NFAT5: variants seen among roughly 807,000 people sequenced by gnomAD.
NFAT5 encodes nuclear factor of activated T-cells 5.
In NFAT5, 31 loss-of-function variants were observed where a neutral mutation model predicts 166.5. That is an observed-to-expected ratio of 0.19 (90% CI 0.14 to 0.25). NFAT5 has a LOEUF of 0.25. Among genes scored for constraint, NFAT5 ranks in the 10% least tolerant of loss-of-function variants. The pLI is 1.00. For missense variants in NFAT5, 1,449 were observed against 1,821.8 expected, an observed-to-expected ratio of 0.80 and a Z score of 3.72; for synonymous variants, 612 against 639.7, an observed-to-expected ratio of 0.96 and a Z score of 0.65.
chr16:69,607,772 C>G (rs545889576), intron 2 of NFAT5, among the ~76,000 whole-genome samples: 4 of 152,176 alleles, frequency 2.6e-5, no homozygotes, highest in African/African-American at 4.8e-5. Flanking sequence ...TTTCTATTTT[C>G]TTTTTCTCTC....
chr16:69,631,567 A>T (rs1207488202), intron 3 of NFAT5, among the ~76,000 whole-genome samples: 1 of 152,136 alleles, frequency 6.6e-6, no homozygotes, highest in Non-Finnish European at 1.5e-5. Flanking sequence ...CAGTAATTAT[A>T]TATTAATACT....
chr16:69,585,185 A>G (rs1193008678), intron 2 of NFAT5, among the ~76,000 whole-genome samples: 1 of 151,024 alleles, frequency 6.6e-6, no homozygotes, highest in Non-Finnish European at 1.5e-5. Context: ...TTTTTTTTGT[A>G]TTTTTAGTAG....
chr16:69,595,204 A>G (rs1260218395), intron 2 of NFAT5, among the ~76,000 whole-genome samples: 2 of 152,212 alleles, frequency 1.3e-5, no homozygotes, highest in Non-Finnish European at 2.9e-5. Flanking sequence ...ATACAGCAAC[A>G]TACTATAATA....
chr16:69,599,020 C>CAAAA (rs1216510761), intron 2 of NFAT5, among the ~76,000 whole-genome samples: 1 of 52,626 alleles, frequency 1.9e-5, no homozygotes. Context: ...GACTCTGTCT[C>CAAAA]AAAAAAAAAA....
At chr16:69,583,221 G>T (rs145545981) in intron 2 of NFAT5, among the ~76,000 whole-genome samples, 106 of 151,472 alleles carry the variant, frequency 7.0e-4, no homozygotes, top group African/African-American at 2.3e-3. Flanking sequence ...TTAAGGGATG[G>T]GGTCTCATTC....
chr16:69,624,274 C>A (rs1010120187), intron 2 of NFAT5, among the ~76,000 whole-genome samples: 1 of 151,678 alleles, frequency 6.6e-6, no homozygotes, highest in African/African-American at 2.4e-5. Flanking sequence ...GGCGTGATCT[C>A]GGCTCACTGC....
At chr16:69,619,668 A>G (rs918094105) in intron 2 of NFAT5, among the ~76,000 whole-genome samples, 1 of 152,144 alleles carries the variant, frequency 6.6e-6, no homozygotes, top group Admixed American at 6.5e-5. Flanking sequence ...GTACAGCATG[A>G]AAAGCATGTC....
intron 2 of NFAT5, among the ~76,000 whole-genome samples, chr16:69,612,909 AAAAAC>A (rs140791053): frequency 0.043 from 6,548 of 152,132 alleles, 474 homozygotes; most frequent in African/African-American, 0.15. Context: ...ATTTGATATA[AAAAAC>A]AAAAGTAAAG....
chr16:69,663,928 GTAGT>G (rs2036254151), intron 7 of NFAT5, among the ~76,000 whole-genome samples: 1 of 152,114 alleles, frequency 6.6e-6, no homozygotes, highest in Non-Finnish European at 1.5e-5. Flanking sequence ...CCCTTCTGTA[GTAGT>G]TTTTAATAGG....
chr16:69,617,333 G>T (rs2034000253), intron 2 of NFAT5, among the ~76,000 whole-genome samples: 1 of 152,120 alleles, frequency 6.6e-6, no homozygotes, highest in African/African-American at 2.4e-5. Flanking sequence ...GTGGTGTATG[G>T]ATTCTTGATA....
rs2037582603 is a variant in NFAT5, at chr16:69,692,392, A to G, written c.2567A>G (p.Gln856Arg). The G allele has an allele frequency of 3.1e-6, 5 of 1,614,244 alleles. No individual in the cohort carries two copies. The highest frequency in any genetic ancestry group is 4.2e-6 in the Non-Finnish European group (5 of 1,180,036). Residue 856 changes from glutamine (Q) to arginine (R), a missense_variant, in exon 13 of 15, where the codon CAG becomes CGG. Around this residue, in one of 7 missense-constraint regions of NFAT5, gnomAD observed 891 missense variants for 993.0 expected, o/e 0.90. Transcript: ENST00000349945. ...ADIFQQVSQI[Q>R]SGVSPGMFSS... ...ATTTTTCAACAAGTCAGTCAAATTCAGAGTGGTGTAAGCCCTGGAATGTTT... is the reference window on the plus strand; with the variant it reads ...ATTTTTCAACAAGTCAGTCAAATTCGGAGTGGTGTAAGCCCTGGAATGTTT...
At chr16:69,677,424 G>C (rs758014726) in intron 10 of NFAT5, 89 bp downstream of exon 10, 21 of 1,118,828 alleles carry the variant, frequency 1.9e-5, no homozygotes, top group Admixed American at 2.9e-5. Flanking sequence ...CAACCAAAAA[G>C]AAAGTTGCTC....
chr16:69,687,305 G>A (rs2037344979), intron 11 of NFAT5, among the ~76,000 whole-genome samples: 1 of 152,086 alleles, frequency 6.6e-6, no homozygotes, highest in South Asian at 2.1e-4. Context: ...GCTGGGCGTG[G>A]TGGTGTGTGC....
At chr16:69,689,194 C>G (rs1425905145) in intron 11 of NFAT5, among the ~76,000 whole-genome samples, 1 of 152,114 alleles carries the variant, frequency 6.6e-6, no homozygotes, top group East Asian at 1.9e-4. Context: ...GGAGGATTGC[C>G]TGAGCCCAGG....
At chr16:69,652,547 T>C (rs1458914420) in intron 4 of NFAT5, among the ~76,000 whole-genome samples, 1 of 151,894 alleles carries the variant, frequency 6.6e-6, no homozygotes, top group African/African-American at 2.4e-5. Context: ...TAATCACAGA[T>C]AAAAATAATC....
intron 9 of NFAT5, among the ~76,000 whole-genome samples, chr16:69,676,079 A>G (rs549581417): frequency 3.0e-4 from 46 of 152,338 alleles, no homozygotes; most frequent in African/African-American, 1.0e-3. Flanking sequence ...TCAACGAACT[A>G]TGTAGTCTAA....
At chr16:69,580,069 A>T (rs1262124318) in intron 2 of NFAT5, among the ~76,000 whole-genome samples, 1 of 152,204 alleles carries the variant, frequency 6.6e-6, no homozygotes, top group Non-Finnish European at 1.5e-5. Context: ...GGATTTTATT[A>T]GCATAAGCTT....
At chr16:69,644,716 A>G (rs1597460783) in intron 3 of NFAT5, 1 of 365,304 alleles carries the variant, frequency 2.7e-6, no homozygotes, top group South Asian at 2.1e-5. Flanking sequence ...TATATCGTGC[A>G]TATTAAATTC....
chr16:69,568,376 GTATATATA>G (rs144294785), intron 1 of NFAT5, 111 bp from the exon 2 acceptor site: 10,290 of 287,636 alleles, frequency 0.036, 314 homozygotes, highest in Middle Eastern at 0.079. Flanking sequence ...GTGTGTGTGT[GTATATATA>G]TATATATATA....
Sources: gnomAD v4.1 joint callset for allele counts (sites outside exome capture counted in the v4.1 genomes callset) on GRCh38, gnomAD v4.1.1 for gene constraint, gnomAD v4.1.1 regional missense constraint, MANE v1.5 for transcripts, NCBI Gene and HGNC (gene_info 2026-07-23, HGNC 2026-07-21) for gene names.